MMS22L: variants seen among roughly 807,000 people sequenced by gnomAD.
The protein encoded by MMS22L is MMS22 like, DNA repair protein, also known as protein MMS22-like.
In MMS22L, 74 loss-of-function variants were observed where a neutral mutation model predicts 159.1. The ratio of observed to expected loss-of-function variants is 0.47; its 90% CI spans 0.39 to 0.56. The LOEUF is 0.56. Ranked by LOEUF, MMS22L falls within the 20% of genes least tolerant of loss-of-function variation. MMS22L has a pLI of 0.00. For synonymous variants in MMS22L, 517 were observed against 506.9 expected, an observed-to-expected ratio of 1.02 and a Z score of -0.27; for missense variants, 1,351 against 1,422.1, an observed-to-expected ratio of 0.95 and a Z score of 0.80.
chr6:97,151,697 G>T, intron 23 of MMS22L, 74 bp downstream of exon 23: 2 of 1,143,626 alleles, frequency 1.7e-6, no homozygotes, highest in Non-Finnish European at 2.6e-6. Flanking sequence ...TGGATAATTA[G>T]TTATTTAAAA....
rs545681601 is a variant in MMS22L at position 97,145,065 on chromosome 6, C to CAAAA, written c.*1737_*1740dup. The CAAAA allele has an allele frequency of 7.3e-4, 99 of 135,454 alleles. 1 individual carries two copies. The highest frequency in any genetic ancestry group is 3.1e-3 in the African/African-American group (96 of 30,714). 8.4% of individuals were successfully genotyped at this position (135,454 alleles called of 1,614,324 possible). A position where few individuals can be genotyped will look rare whatever the true frequency, so the allele number is the denominator to read the frequency against. ...ACACACACACACACACACACACACACAAAAACACATATACACATAAATAAC... is the reference window on the plus strand; with the variant it reads ...ACACACACACACACACACACACACACAAAAAAAAACACATATACACATAAATAAC... On this transcript the variant is annotated 3_prime_UTR_variant, in exon 25 of 25. Transcript: ENST00000683635.
intron 14 of MMS22L, among the ~76,000 whole-genome samples, chr6:97,206,100 G>A (rs1807756360): frequency 6.6e-6 from 1 of 152,118 alleles, no homozygotes; most frequent in South Asian, 2.1e-4. Flanking sequence ...GAGACCTCTG[G>A]GAATTTATCA....
chr6:97,153,570 C>T (rs927003885), intron 22 of MMS22L, among the ~76,000 whole-genome samples: 5 of 151,916 alleles, frequency 3.3e-5, no homozygotes, highest in South Asian at 2.1e-4. Context: ...GTGGTTTCAC[C>T]GTATTGGCCA....
chr6:97,157,358 G>T (rs1270750550), intron 22 of MMS22L, among the ~76,000 whole-genome samples: 1 of 152,146 alleles, frequency 6.6e-6, no homozygotes, highest in Non-Finnish European at 1.5e-5. Flanking sequence ...ACACTATGTT[G>T]AAGAGGAGTG....
chr6:97,146,930 T>C (rs1800952687), intron 24 of MMS22L, 43 bp from the exon 25 acceptor site: 2 of 1,268,652 alleles, frequency 1.6e-6, no homozygotes, highest in African/African-American at 3.1e-5. Context: ...ATTAACATTT[T>C]CATTATTTTT....
intron 11 of MMS22L, among the ~76,000 whole-genome samples, chr6:97,243,445 TTATGATATATATTTC>T (rs1812295589): frequency 1.3e-5 from 2 of 152,134 alleles, no homozygotes; most frequent in African/African-American, 4.8e-5. Flanking sequence ...TGTTTTTTAT[TTATGATATATATTTC>T]TCTGGAGATC....
At chr6:97,196,081 A>G (rs1258956115) in intron 14 of MMS22L, among the ~76,000 whole-genome samples, 3 of 152,224 alleles carry the variant, frequency 2.0e-5, no homozygotes, top group East Asian at 1.9e-4. Context: ...CGAAGAGTAC[A>G]ATCAGACTCA....
intron 10 of MMS22L, chr6:97,253,522 G>A (rs1813462096): frequency 6.8e-6 from 1 of 147,132 alleles, no homozygotes; most frequent in African/African-American, 2.5e-5. Flanking sequence ...GTGCAGTGGT[G>A]TGATCTCGGC....
intron 22 of MMS22L, 110 bp downstream of exon 22, chr6:97,161,892 G>A (rs1459822074): frequency 6.0e-6 from 6 of 1,001,564 alleles, no homozygotes; most frequent in Admixed American, 2.7e-5. Flanking sequence ...CATATCAAGA[G>A]ATATAAAAGA....
intron 6 of MMS22L, chr6:97,270,922 T>C (rs1815667558): frequency 6.6e-6 from 1 of 152,068 alleles, no homozygotes; most frequent in East Asian, 1.9e-4. Context: ...ATCAAAATAT[T>C]TTAACAGCAT....
intron 23 of MMS22L, 184 bp downstream of exon 23, chr6:97,151,587 T>G (rs1801322521): frequency 1.9e-6 from 1 of 525,084 alleles, no homozygotes. Flanking sequence ...TCTTTTTCAC[T>G]GGCACTTTTA....
intron 18 of MMS22L, 136 bp downstream of exon 18, chr6:97,178,307 T>C: frequency 1.5e-6 from 1 of 645,754 alleles, no homozygotes; most frequent in Non-Finnish European, 2.5e-6. Flanking sequence ...CTCCAGAACT[T>C]TATAATAGCA....
chr6:97,228,673 A>G (rs1282604714), intron 14 of MMS22L, among the ~76,000 whole-genome samples: 1 of 152,210 alleles, frequency 6.6e-6, no homozygotes, highest in East Asian at 1.9e-4. Flanking sequence ...TCCAAAATCC[A>G]AAACACTTCT....
At chr6:97,148,104 T>C (rs995388879) in intron 24 of MMS22L, among the ~76,000 whole-genome samples, 3 of 152,132 alleles carry the variant, frequency 2.0e-5, no homozygotes, top group Admixed American at 2.0e-4. Flanking sequence ...TACTGAAAAA[T>C]TCCTAATGCC....
chr6:97,276,276 G>C (rs1052298555), intron 4 of MMS22L, among the ~76,000 whole-genome samples: 2 of 152,110 alleles, frequency 1.3e-5, no homozygotes, highest in African/African-American at 2.4e-5. Context: ...TCCAAAATCT[G>C]TCATTAAAAG....
chr6:97,214,436 T>G (rs760724956), intron 14 of MMS22L, among the ~76,000 whole-genome samples: 1 of 152,184 alleles, frequency 6.6e-6, no homozygotes, highest in Non-Finnish European at 1.5e-5. Context: ...CTAAACAGCA[T>G]TTAATCTTAT....
chr6:97,182,680 C>T (rs1804836524), intron 15 of MMS22L, among the ~76,000 whole-genome samples: 1 of 152,146 alleles, frequency 6.6e-6, no homozygotes, highest in South Asian at 2.1e-4. Flanking sequence ...AACTCCTATG[C>T]AGCTTTCTGA....
intron 9 of MMS22L, among the ~76,000 whole-genome samples, chr6:97,254,942 C>T (rs1334761535): frequency 1.3e-5 from 2 of 152,140 alleles, no homozygotes; most frequent in Admixed American, 6.5e-5. Flanking sequence ...CTCCTCCATC[C>T]AGTAGTTAAC....
At chr6:97,210,009 A>C (rs1040384306) in intron 14 of MMS22L, among the ~76,000 whole-genome samples, 1 of 151,908 alleles carries the variant, frequency 6.6e-6, no homozygotes, top group Non-Finnish European at 1.5e-5. Context: ...TAAAATATTC[A>C]ATATATAATT....
Sources: allele counts gnomAD v4.1 joint callset (sites outside exome capture counted in the v4.1 genomes callset), GRCh38; gene constraint gnomAD v4.1.1; transcripts MANE v1.5; gene names NCBI Gene and HGNC (gene_info 2026-07-23, HGNC 2026-07-21).